The following MOXD1 variants were observed in gnomAD, a reference collection of about 807,000 sequenced individuals.
The protein encoded by MOXD1 is DBH-like monooxygenase protein 1.
In MOXD1, 62 loss-of-function variants were observed where a neutral mutation model predicts 66.6. The ratio of observed to expected loss-of-function variants is 0.93; its 90% CI spans 0.76 to 1.15. The LOEUF is 1.15. Among genes scored for constraint, MOXD1 ranks in the 50% most tolerant of loss-of-function variants. The pLI, the probability that MOXD1 is intolerant of heterozygous loss-of-function variation, is 0.00. For missense variants in MOXD1, 847 were observed against 754.6 expected (o/e 1.12, Z -1.44); for synonymous variants, 303 against 281.9 (o/e 1.07, Z -0.75).
chr6:132,382,596 A>G (rs1776533487), intron 1 of MOXD1, among the ~76,000 whole-genome samples: 1 of 152,162 alleles, frequency 6.6e-6, no homozygotes, highest in African/African-American at 2.4e-5. Flanking sequence ...TTCAATTCCA[A>G]TAATAAAGCT....
intron 4 of MOXD1, among the ~76,000 whole-genome samples, chr6:132,360,680 T>G (rs976830769): frequency 6.6e-6 from 1 of 152,326 alleles, no homozygotes; most frequent in East Asian, 1.9e-4. Flanking sequence ...CTCTCTAATA[T>G]TTATGTGTAC....
chr6:132,384,196 T>C (rs1210201445), intron 1 of MOXD1, among the ~76,000 whole-genome samples: 4 of 151,264 alleles, frequency 2.6e-5, no homozygotes, highest in Admixed American at 2.6e-4. Context: ...TCTTCCTTCC[T>C]CCCTCCCTCT....
intron 10 of MOXD1, among the ~76,000 whole-genome samples, chr6:132,305,028 G>T (rs1291641325): frequency 1.3e-5 from 2 of 152,138 alleles, no homozygotes; most frequent in Non-Finnish European, 2.9e-5. Context: ...GATCAGCACC[G>T]CAGCTGCCTA....
chr6:132,399,993 A>G (rs765972062), intron 1 of MOXD1, among the ~76,000 whole-genome samples: 2 of 152,302 alleles, frequency 1.3e-5, no homozygotes, highest in African/African-American at 2.4e-5. Context: ...TTGTAAAGTT[A>G]CTTATTTGGG....
chr6:132,303,837 A>G (rs7450616), intron 10 of MOXD1, among the ~76,000 whole-genome samples: 4,559 of 28,722 alleles, frequency 0.16, 55 homozygotes, highest in South Asian at 0.24. Context: ...GTGTGTGTGT[A>G]TATATATATA....
intron 4 of MOXD1, among the ~76,000 whole-genome samples, chr6:132,337,775 G>T (rs1248438483): frequency 1.3e-5 from 2 of 152,102 alleles, no homozygotes; most frequent in Non-Finnish European, 2.9e-5. Flanking sequence ...GAACTGTAAG[G>T]TACCTTCTGT....
intron 1 of MOXD1, 102 bp downstream of exon 1, chr6:132,401,061 G>A (rs1777013512): frequency 7.5e-7 from 1 of 1,326,142 alleles, no homozygotes; most frequent in African/African-American, 1.6e-5. Context: ...CGCCAGGTGA[G>A]AGAGAGCTGC....
In MOXD1 at chr6:132,326,134, G is replaced by C. The variant is rs114962830; in HGVS notation, c.946+1879C>G. Among the ~76,000 whole-genome samples, 1,390 of 152,146 alleles carry C rather than the reference G, an allele frequency of 9.1e-3. 31 individuals carry two copies. Among genetic ancestry groups the C allele is most frequent in the African/African-American group, 0.032 (1,331 of 41,526 alleles). On this transcript the variant is annotated intron_variant, in intron 6 of 11. Coordinates refer to ENST00000367963, the MANE Select transcript of MOXD1 (RefSeq NM_015529.4). Reference sequence around the variant, plus strand: ...GCATTAGCTGTTTGGAGCATTAATAGATAATCTAGTAAATAAAGTAATAAT... The same window carrying C: ...GCATTAGCTGTTTGGAGCATTAATACATAATCTAGTAAATAAAGTAATAAT...
At chr6:132,367,506 C>A (rs1776171416) in intron 4 of MOXD1, among the ~76,000 whole-genome samples, 1 of 152,062 alleles carries the variant, frequency 6.6e-6, no homozygotes, top group Non-Finnish European at 1.5e-5. Flanking sequence ...TAAGGTCACA[C>A]AACTAGTAAG....
chr6:132,306,428 G>T (rs1774689062), intron 10 of MOXD1, among the ~76,000 whole-genome samples: 1 of 152,084 alleles, frequency 6.6e-6, no homozygotes, highest in Non-Finnish European at 1.5e-5. Flanking sequence ...GAAACAAGCT[G>T]GAAAACATGC....
At chr6:132,372,122 G>A (rs1776273726) in intron 4 of MOXD1, among the ~76,000 whole-genome samples, 1 of 152,082 alleles carries the variant, frequency 6.6e-6, no homozygotes, top group Admixed American at 6.6e-5. Context: ...ACCCAATTCT[G>A]TATTTCTTTA....
chr6:132,320,804 C>T, intron 8 of MOXD1, 116 bp from the exon 9 acceptor site: 4 of 817,140 alleles, frequency 4.9e-6, no homozygotes, highest in Non-Finnish European at 7.8e-6. Context: ...CAAGTAATTT[C>T]ATTCAGCAGA....
intron 6 of MOXD1, among the ~76,000 whole-genome samples, chr6:132,325,905 T>C (rs1405440244): frequency 6.6e-6 from 1 of 152,190 alleles, no homozygotes; most frequent in Non-Finnish European, 1.5e-5. Flanking sequence ...AAATCAATTC[T>C]CCTTTTGTGT....
chr6:132,372,977 G>C lies in MOXD1; in HGVS notation c.432C>G (p.Ile144Met). The change falls in exon 3 of 12, where the codon ATC becomes ATG. Residue 144 changes from isoleucine (I) to methionine (M), a missense_variant. Ile to Met is a conservative substitution (Grantham distance 10). Transcript: ENST00000367963. Reference sequence around the variant, plus strand: ...CTGCATCTTCATGGTGGTAGGCCCAGATCACTCTCACAGTGCTATCCTGGG... The same window carrying C: ...CTGCATCTTCATGGTGGTAGGCCCACATCACTCTCACAGTGCTATCCTGGG... ...KSITDSTVRV[I>M]WAYHHEDAGE... 1.9e-6 allele frequency: 3 copies of C among 1,613,728 alleles called. No homozygotes were observed. Among genetic ancestry groups the C allele is most frequent in the East Asian group, 2.2e-5 (1 of 44,878 alleles).
chr6:132,392,095 A>G, intron 1 of MOXD1: 1 of 1,327,386 alleles, frequency 7.5e-7, no homozygotes, highest in Non-Finnish European at 1.0e-6. Flanking sequence ...ACAGCCTTTC[A>G]ATTTGCTTTC....
Position 132,392,254 on chromosome 6 carries a change from G to A in MOXD1, c.264+8909C>T, listed in dbSNP as rs542943320. ...CGGCAGCAATTACCCTGCTGCTGAA[G>A]ACACTTCGCATCACAGGCCTCAGTT... On this transcript the variant is annotated intron_variant, in intron 1 of 11. Transcript: ENST00000367963. 5.0e-6 allele frequency: 8 copies of A among 1,604,322 alleles called. No individual in the cohort carries two copies. In the South Asian group the frequency reaches 7.9e-5, roughly 16 times the overall value.
chr6:132,366,591 G>T (rs1005285648), intron 4 of MOXD1, among the ~76,000 whole-genome samples: 1 of 152,084 alleles, frequency 6.6e-6, no homozygotes, highest in Non-Finnish European at 1.5e-5. Flanking sequence ...AATTCTGACA[G>T]CCATAAAAGC....
chr6:132,397,667 AAAGAAAGAAAGAAAGAAAGAAAGAAAG>A (rs1171058898), intron 1 of MOXD1, among the ~76,000 whole-genome samples: 11 of 141,072 alleles, frequency 7.8e-5, no homozygotes, highest in African/African-American at 2.9e-4. Flanking sequence ...AGAAAGAAAG[AAAGAAAGAAAGAAAGAAAGAAAGAAAG>A]AAAGAAAAAG....
intron 10 of MOXD1, among the ~76,000 whole-genome samples, chr6:132,308,581 A>G (rs777942985): frequency 1.3e-5 from 2 of 152,242 alleles, no homozygotes; most frequent in Non-Finnish European, 2.9e-5. Flanking sequence ...AGAAAACTTC[A>G]GGCCAATATT....
Sources: gnomAD v4.1 joint callset for allele counts (sites outside exome capture counted in the v4.1 genomes callset) on GRCh38, gnomAD v4.1.1 for gene constraint, MANE v1.5 for transcripts, NCBI Gene and HGNC (gene_info 2026-07-23, HGNC 2026-07-21) for gene names.